Variants in MYH10 observed in about 807,000 individuals in gnomAD.
MYH10 encodes the protein myosin-10.
A neutral mutation model predicts 257.8 loss-of-function variants in MYH10; 55 were observed. The observed-to-expected ratio is 0.21, with a 90% CI of 0.17 to 0.27. The LOEUF (loss-of-function observed/expected upper bound fraction) is 0.27. Among genes scored for constraint, MYH10 ranks in the 10% least tolerant of loss-of-function variants. The probability of loss-of-function intolerance (pLI) is 1.00; values close to 1 mark genes in which losing one functional copy is unlikely to be tolerated. For missense variants in MYH10, 1,631 were observed against 2,500.6 expected, an observed-to-expected ratio of 0.65 and a Z score of 7.42; for synonymous variants, 854 against 921.7, an observed-to-expected ratio of 0.93 and a Z score of 1.33.
chr17:8,517,560 T>C (rs1331108587), intron 21 of MYH10, among the ~76,000 whole-genome samples: 1 of 152,238 alleles, frequency 6.6e-6, no homozygotes, highest in East Asian at 1.9e-4. Context: ...CAGTTCTAAG[T>C]CCTTTGAATT....
chr17:8,489,746 C>CCACACACACACACACACACA (rs1555570912), intron 35 of MYH10, among the ~76,000 whole-genome samples: 2 of 149,558 alleles, frequency 1.3e-5, no homozygotes, highest in African/African-American at 5.0e-5. Context: ...CACACACACA[C>CCACACACACACACACACACA]CCCAAATCCA....
rs191792241 is a variant in MYH10 at position 8,525,592 on chromosome 17, A to G, written c.1958-4307T>C. On this transcript the variant is annotated intron_variant, in intron 17 of 42. Transcript: ENST00000360416. ...GCACCATGTTACTCTGGAAGGATCA[A>G]TTACACTGGTTGTGCAGTACTTTAG... 3.5e-3 allele frequency among the ~76,000 whole-genome samples: 532 copies of G among 152,342 alleles called. 3 individuals carry two copies. Among genetic ancestry groups the G allele is most frequent in the African/African-American group, 0.012 (506 of 41,586 alleles).
chr17:8,569,787 T>C lies in MYH10; in HGVS notation c.689A>G (p.Gln230Arg). The C allele has an allele frequency of 6.2e-7, 1 of 1,612,226 alleles. No individual in the cohort carries two copies. Among genetic ancestry groups the C allele is most frequent in the Non-Finnish European group, 8.5e-7 (1 of 1,179,136 alleles). Residue 230 changes from glutamine to arginine, a missense_variant, in exon 7 of 43, where the codon CAA (glutamine) becomes CGA (arginine). Gln to Arg is a conservative substitution (Grantham distance 43). This residue lies in a region of MYH10 where 360 missense variants were observed against 581.9 expected (regional missense o/e 0.62). Transcript: ENST00000360416. The surrounding 1 kb of genome is among the most constrained non-coding windows in gnomAD (Gnocchi z 4.1). ...HQGELERQLL[Q>R]ANPILESFGN... ...AAATGATTCCAGAATTGGATTTGCT[T>C]GCAAAAGCTGCCGTTCAAGTTCCCC...
chr17:8,545,437 G>C lies in MYH10; in HGVS notation c.1431+11C>G. 6.2e-7 allele frequency: 1 copy of C among 1,612,760 alleles called. No individual in the cohort carries two copies. The highest frequency in any genetic ancestry group is 8.5e-7 in the Non-Finnish European group (1 of 1,179,620). On this transcript the variant is annotated intron_variant, in intron 13 of 42. Transcript: ENST00000360416. This position sits in a 1 kb window ranked among gnomAD's most constrained non-coding sequence, Gnocchi z 4.7. ...AAGAAGGACGAGCTAGAGGAAGAGG[G>C]GGAAGAATACCTCAAAAATTTCAAA...
chr17:8,519,355 C>CCCTTCCTCT (rs1236540638), intron 19 of MYH10, among the ~76,000 whole-genome samples: 1 of 152,150 alleles, frequency 6.6e-6, no homozygotes, highest in Non-Finnish European at 1.5e-5. Context: ...GCTGTAAGAG[C>CCCTTCCTCT]TGTGTTCATA....
At chr17:8,602,199 C>T (rs975801360) in intron 3 of MYH10, among the ~76,000 whole-genome samples, 6 of 152,158 alleles carry the variant, frequency 3.9e-5, no homozygotes, top group East Asian at 1.9e-4. Flanking sequence ...AGGATGATCT[C>T]GATCTCCTGA....
intron 9 of MYH10, among the ~76,000 whole-genome samples, chr17:8,551,656 G>A (rs991801812): frequency 1.3e-5 from 2 of 152,044 alleles, no homozygotes; most frequent in South Asian, 4.1e-4. Flanking sequence ...AGTACTAGTG[G>A]AAGCAATAAC....
chr17:8,560,770 G>GGCA, intron 7 of MYH10: 2 of 603,378 alleles, frequency 3.3e-6, no homozygotes, highest in Non-Finnish European at 6.3e-6. Context: ...TCTTGTCCAT[G>GGCA]GCAAATGCTG....
chr17:8,559,642 C>A (rs1044723184), intron 7 of MYH10, among the ~76,000 whole-genome samples: 2 of 151,964 alleles, frequency 1.3e-5, no homozygotes, highest in Non-Finnish European at 2.9e-5. Flanking sequence ...CTTCAATGGA[C>A]CCATATGTAA....
chr17:8,614,243 A>G (rs1472702945), intron 2 of MYH10, among the ~76,000 whole-genome samples: 1 of 151,832 alleles, frequency 6.6e-6, no homozygotes, highest in East Asian at 1.9e-4. Context: ...CAAGGGGGGA[A>G]TCTATTAGAA....
At chr17:8,539,226 A>G (rs1329054098) in intron 14 of MYH10, among the ~76,000 whole-genome samples, 3 of 152,218 alleles carry the variant, frequency 2.0e-5, no homozygotes, top group Non-Finnish European at 2.9e-5. Context: ...TTATTCTGTT[A>G]TAGTAACGGA....
chr17:8,554,120 A>G (rs566601535), intron 7 of MYH10, 102 bp from the exon 8 acceptor site: 1 of 785,740 alleles, frequency 1.3e-6, no homozygotes, highest in African/African-American at 1.7e-5. Flanking sequence ...AATTAGTTAC[A>G]ATAATGGATC....
At chr17:8,530,017 C>T (rs1289878357) in intron 17 of MYH10, among the ~76,000 whole-genome samples, 1 of 152,180 alleles carries the variant, frequency 6.6e-6, no homozygotes, top group Non-Finnish European at 1.5e-5. Context: ...TTAGTCTCAA[C>T]TTGCACATAT....
chr17:8,494,077 T>C (rs1030329902), intron 31 of MYH10, among the ~76,000 whole-genome samples, 192 bp from the exon 32 acceptor site: 1 of 152,206 alleles, frequency 6.6e-6, no homozygotes, highest in Non-Finnish European at 1.5e-5. Context: ...CAACACTGCT[T>C]CAGACTCATC....
intron 24 of MYH10, chr17:8,511,025 T>TA (rs1555578890): frequency 3.6e-3 from 15 of 4,218 alleles, no homozygotes; most frequent in African/African-American, 4.4e-3. Context: ...CATATATATA[T>TA]ATATATATAT....
chr17:8,506,841 G>A lies in MYH10; in HGVS notation c.3215-352C>T, dbSNP rs1052347296. The stretch of plus-strand genomic sequence containing the variant: ...TTTGCAAAGTGGCTCAGCAGGTGCT[G>A]GGGCAGCAATCGTAGCTGCCTGTCA... On this transcript the variant is annotated intron_variant, in intron 26 of 42. Transcript: ENST00000360416. The surrounding 1 kb of genome is among the most constrained non-coding windows in gnomAD (Gnocchi z 5.0). Among the ~76,000 whole-genome samples, 3 of 152,184 alleles carry A rather than the reference G, an allele frequency of 2.0e-5. No individual in the cohort carries two copies. The highest frequency in any genetic ancestry group is 4.8e-5 in the African/African-American group (2 of 41,448).
At chr17:8,575,451 A>G (rs555328841) in intron 6 of MYH10, among the ~76,000 whole-genome samples, 17 of 152,310 alleles carry the variant, frequency 1.1e-4, no homozygotes, top group Admixed American at 7.2e-4. Context: ...AAGCTTTTAA[A>G]TACCCTACAG....
At chr17:8,542,498 A>G (rs1456486089) in intron 13 of MYH10, among the ~76,000 whole-genome samples, 1 of 152,230 alleles carries the variant, frequency 6.6e-6, no homozygotes, top group East Asian at 1.9e-4. Context: ...GAGAAAGAAC[A>G]TACTGTCTAT....
At chr17:8,560,752 T>C in intron 7 of MYH10, 2 of 612,586 alleles carry the variant, frequency 3.3e-6, no homozygotes, top group Non-Finnish European at 3.1e-6. Context: ...AGCACACAGG[T>C]CCTGGCATCT....
Sources: allele counts gnomAD v4.1 joint callset (sites outside exome capture counted in the v4.1 genomes callset), GRCh38; gene constraint gnomAD v4.1.1; regional missense constraint gnomAD v4.1.1; non-coding constraint Gnocchi (gnomAD v3.1); transcripts MANE v1.5; gene names NCBI Gene and HGNC (gene_info 2026-07-23, HGNC 2026-07-21).